Variants in FSTL5 observed in about 807,000 individuals in gnomAD.
The protein encoded by FSTL5 is follistatin like 5, also known as follistatin-related protein 5.
FSTL5 carries 62 observed loss-of-function variants against 89.1 expected under a neutral mutation model. That is an observed-to-expected ratio of 0.70 (90% CI 0.57 to 0.86). The LOEUF (loss-of-function observed/expected upper bound fraction) is 0.86. FSTL5 is among the 40% of genes least tolerant of loss of function. The pLI is 0.00. For missense variants in FSTL5, 1,057 were observed against 1,001.6 expected, an observed-to-expected ratio of 1.06 and a Z score of -0.75; for synonymous variants, 383 against 346.2, an observed-to-expected ratio of 1.11 and a Z score of -1.18.
chr4:161,452,633 G>C (rs1002077666), intron 15 of FSTL5, among the ~76,000 whole-genome samples: 1 of 149,360 alleles, frequency 6.7e-6, no homozygotes, highest in Non-Finnish European at 1.5e-5. Flanking sequence ...TTTACTTCTC[G>C]CATTCACGGT....
intron 7 of FSTL5, among the ~76,000 whole-genome samples, chr4:161,643,313 AACACTCTTTC>A: frequency 6.6e-6 from 1 of 152,082 alleles, no homozygotes; most frequent in South Asian, 2.1e-4. Flanking sequence ...CTTTACTGGG[AACACTCTTTC>A]ACCTGGCTGT....
At chr4:161,820,807 G>T (rs2126849657) in intron 4 of FSTL5, among the ~76,000 whole-genome samples, 1 of 151,990 alleles carries the variant, frequency 6.6e-6, no homozygotes, top group Middle Eastern at 3.4e-3. Flanking sequence ...ATATGTTTTG[G>T]TTTTCATATG....
chr4:161,418,518 A>G (rs1731866548), intron 15 of FSTL5, among the ~76,000 whole-genome samples: 1 of 152,166 alleles, frequency 6.6e-6, no homozygotes, highest in Non-Finnish European at 1.5e-5. Context: ...CACCATTACG[A>G]CAGTGATCAC....
At chr4:161,882,185 G>A (rs992535010) in intron 4 of FSTL5, among the ~76,000 whole-genome samples, 2 of 151,704 alleles carry the variant, frequency 1.3e-5, no homozygotes, top group Admixed American at 6.6e-5. Flanking sequence ...CTAGCCTCTG[G>A]TCAACTCTTT....
At chr4:162,066,299 T>TTTCTTCTTCTTCTTCTTCTTCTTTCTTC (rs1561000307) in intron 2 of FSTL5, among the ~76,000 whole-genome samples, 13 of 70,148 alleles carry the variant, frequency 1.9e-4, no homozygotes, top group African/African-American at 5.3e-4. Flanking sequence ...TCCTCCTACT[T>TTTCTTCTTCTTCTTCTTCTTCTTTCTTC]TTCTTCTTCT....
intron 8 of FSTL5, among the ~76,000 whole-genome samples, chr4:161,576,628 T>C (rs192679775): frequency 1.0e-3 from 152 of 152,222 alleles, no homozygotes; most frequent in Middle Eastern, 3.4e-3. Flanking sequence ...ATGCAGAAAA[T>C]AGAAACTGGA....
intron 3 of FSTL5, among the ~76,000 whole-genome samples, chr4:161,960,002 T>C (rs892255198): frequency 6.6e-6 from 1 of 152,034 alleles, no homozygotes; most frequent in African/African-American, 2.4e-5. Flanking sequence ...AAACACCAAT[T>C]CGAGCAAAAT....
chr4:161,411,708 T>C (rs1456380329), intron 15 of FSTL5, among the ~76,000 whole-genome samples: 1 of 152,146 alleles, frequency 6.6e-6, no homozygotes, highest in Non-Finnish European at 1.5e-5. Context: ...GTGCCATTTA[T>C]GACAAAGCAT....
chr4:161,460,478 G>A (rs556417672), intron 13 of FSTL5, among the ~76,000 whole-genome samples: 2 of 90,704 alleles, frequency 2.2e-5, no homozygotes, highest in African/African-American at 6.3e-5. Context: ...TATGAGTGAG[G>A]GATGAAGCTA....
intron 4 of FSTL5, among the ~76,000 whole-genome samples, chr4:161,832,261 G>A (rs1730869694): frequency 6.6e-6 from 1 of 152,040 alleles, no homozygotes; most frequent in Non-Finnish European, 1.5e-5. Context: ...TGTACAATAG[G>A]ACAGTGCAGT....
At chr4:162,066,160 T>C (rs749908315) in intron 2 of FSTL5, among the ~76,000 whole-genome samples, 16 of 152,058 alleles carry the variant, frequency 1.1e-4, no homozygotes, top group Non-Finnish European at 1.9e-4. Flanking sequence ...ATTTGATTCT[T>C]TTCCACTCTT....
intron 8 of FSTL5, 150 bp downstream of exon 8, chr4:161,587,305 T>C (rs1733649701): frequency 3.4e-6 from 2 of 595,978 alleles, no homozygotes; most frequent in African/African-American, 3.8e-5. Flanking sequence ...TGTTTTTTTT[T>C]TTTACTTAAA....
chr4:161,458,193 T>C (rs896234438), intron 14 of FSTL5, among the ~76,000 whole-genome samples: 1 of 152,190 alleles, frequency 6.6e-6, no homozygotes, highest in Non-Finnish European at 1.5e-5. Flanking sequence ...CCAGATCACA[T>C]CAGCAGAGCT....
intron 11 of FSTL5, 70 bp downstream of exon 11, chr4:161,510,328 A>G (rs1730610251): frequency 2.1e-6 from 2 of 945,122 alleles, no homozygotes; most frequent in Admixed American, 3.0e-5. Flanking sequence ...TAATGATACA[A>G]AATATAATCA....
intron 6 of FSTL5, among the ~76,000 whole-genome samples, chr4:161,751,535 C>T (rs1351691859): frequency 1.3e-5 from 2 of 152,116 alleles, no homozygotes; most frequent in African/African-American, 2.4e-5. Flanking sequence ...CACTTGTAAT[C>T]CCAGCACTTT....
chr4:162,061,416 G>C (rs932115607), intron 2 of FSTL5, among the ~76,000 whole-genome samples: 3 of 152,174 alleles, frequency 2.0e-5, no homozygotes, highest in Admixed American at 6.6e-5. Context: ...TTCCAGGTCA[G>C]TGGATGCCTC....
chr4:162,043,834 AT>A (rs1169187525), intron 2 of FSTL5, among the ~76,000 whole-genome samples: 1 of 152,194 alleles, frequency 6.6e-6, no homozygotes, highest in Non-Finnish European at 1.5e-5. Context: ...TTCTTTGCTC[AT>A]TCATAAGAAG....
intron 8 of FSTL5, among the ~76,000 whole-genome samples, chr4:161,548,825 T>C (rs1391085606): frequency 1.3e-5 from 2 of 151,868 alleles, no homozygotes; most frequent in African/African-American, 2.4e-5. Context: ...TTTCAAATGA[T>C]TGTGCTATGT....
chr4:161,963,755 G>T lies in FSTL5; in HGVS notation c.161-43103C>A, dbSNP rs907122365. Among the ~76,000 whole-genome samples the T allele has an allele frequency of 2.6e-5, 4 of 151,950 alleles. No individual in the cohort carries two copies. In the South Asian group the frequency reaches 8.3e-4, roughly 31 times the overall value. On this transcript the variant is annotated intron_variant, in intron 3 of 15. Coordinates refer to ENST00000306100, the MANE Select transcript of FSTL5 (RefSeq NM_020116.5). ...TTATGATTACCACTTAATGGCCTTG[G>T]ATAAGTATAAATATGACACTATGCT...
Sources: allele counts gnomAD v4.1 joint callset (sites outside exome capture counted in the v4.1 genomes callset), GRCh38; gene constraint gnomAD v4.1.1; transcripts MANE v1.5; gene names NCBI Gene and HGNC (gene_info 2026-07-23, HGNC 2026-07-21).